Variants in PDLIM5 observed in about 807,000 individuals in gnomAD.
PDLIM5 encodes the protein PDZ and LIM domain protein 5.
A neutral mutation model predicts 64.2 loss-of-function variants in PDLIM5; 34 were observed. That is an observed-to-expected ratio of 0.53 (90% confidence interval 0.40 to 0.71). The LOEUF (loss-of-function observed/expected upper bound fraction) is 0.71, where lower values mean the gene tolerates loss of function less well. Ranked by LOEUF, PDLIM5 falls within the 30% of genes least tolerant of loss-of-function variation. The probability of loss-of-function intolerance (pLI) is 0.00; values close to 1 mark genes in which losing one functional copy is unlikely to be tolerated. For missense variants in PDLIM5, 683 were observed against 733.6 expected, an observed-to-expected ratio of 0.93 and a Z score of 0.80; for synonymous variants, 253 against 269.1, an observed-to-expected ratio of 0.94 and a Z score of 0.59.
chr4:94,521,205 G>A (rs1274341274), intron 2 of PDLIM5, among the ~76,000 whole-genome samples: 1 of 152,138 alleles, frequency 6.6e-6, no homozygotes, highest in African/African-American at 2.4e-5. Flanking sequence ...TATAAATAGG[G>A]AGTTGATATG....
intron 2 of PDLIM5, among the ~76,000 whole-genome samples, chr4:94,460,135 A>C (rs967989716): frequency 6.6e-6 from 1 of 152,188 alleles, no homozygotes; most frequent in African/African-American, 2.4e-5. Flanking sequence ...TGTATATTTC[A>C]CATGTGTGTT....
At chr4:94,527,026 C>A (rs192520468) in intron 3 of PDLIM5, among the ~76,000 whole-genome samples, 1 of 144,324 alleles carries the variant, frequency 6.9e-6, no homozygotes, top group Non-Finnish European at 1.5e-5. Context: ...TGAGCCATTG[C>A]GCCCGGCCTG....
chr4:94,604,911 A>C (rs1737796015), intron 7 of PDLIM5, among the ~76,000 whole-genome samples: 1 of 152,234 alleles, frequency 6.6e-6, no homozygotes, highest in South Asian at 2.1e-4. Flanking sequence ...ATTTAGCCAC[A>C]AGAAGGTCAT....
At chr4:94,626,423 G>T (rs1029881746) in intron 8 of PDLIM5, among the ~76,000 whole-genome samples, 7 of 152,180 alleles carry the variant, frequency 4.6e-5, no homozygotes, top group African/African-American at 1.7e-4. Flanking sequence ...TTAGAGTTCT[G>T]TAGTGAGTTG....
chr4:94,623,281 C>T (rs1739401624), intron 8 of PDLIM5, among the ~76,000 whole-genome samples: 1 of 152,194 alleles, frequency 6.6e-6, no homozygotes, highest in Non-Finnish European at 1.5e-5. Context: ...TTTTATAACA[C>T]TGTTCCCTAT....
intron 8 of PDLIM5, among the ~76,000 whole-genome samples, chr4:94,621,140 G>T (rs1212347459): frequency 6.7e-6 from 1 of 150,312 alleles, no homozygotes; most frequent in Non-Finnish European, 1.5e-5. Flanking sequence ...GACAGGCCAT[G>T]GCATATGAGT....
intron 3 of PDLIM5, among the ~76,000 whole-genome samples, chr4:94,567,025 G>A (rs531557250): frequency 3.3e-5 from 5 of 152,156 alleles, no homozygotes; most frequent in Non-Finnish European, 5.9e-5. Flanking sequence ...ACGGAGTCTC[G>A]CTCTGTCGCC....
chr4:94,654,118 C>G (rs1274168204), intron 9 of PDLIM5, among the ~76,000 whole-genome samples: 1 of 152,120 alleles, frequency 6.6e-6, no homozygotes, highest in Non-Finnish European at 1.5e-5. Context: ...CATGTTCTGT[C>G]ACAGTCACAG....
chr4:94,619,085 T>C (rs1439637390), intron 8 of PDLIM5, among the ~76,000 whole-genome samples: 2 of 152,196 alleles, frequency 1.3e-5, no homozygotes, highest in African/African-American at 4.8e-5. Context: ...AAATAACCAT[T>C]TCCTATCTCT....
chr4:94,638,778 A>T (rs909129397), intron 8 of PDLIM5, among the ~76,000 whole-genome samples: 1 of 152,304 alleles, frequency 6.6e-6, no homozygotes, highest in Admixed American at 6.5e-5. Context: ...GTTGGTTTCA[A>T]TCCTCACTGT....
intron 5 of PDLIM5, among the ~76,000 whole-genome samples, chr4:94,581,863 C>T (rs1219181602): frequency 6.6e-6 from 1 of 152,150 alleles, no homozygotes; most frequent in Non-Finnish European, 1.5e-5. Flanking sequence ...TGAGGTTCTT[C>T]CACTTCAGGT....
chr4:94,494,449 T>C (rs1727183342), intron 2 of PDLIM5, among the ~76,000 whole-genome samples: 1 of 112,718 alleles, frequency 8.9e-6, no homozygotes, highest in African/African-American at 4.6e-5. Context: ...TTTTTTTTTT[T>C]TTTTTTTGAG....
At chr4:94,654,173 C>G (rs1426655335) in intron 9 of PDLIM5, among the ~76,000 whole-genome samples, 1 of 152,118 alleles carries the variant, frequency 6.6e-6, no homozygotes, top group African/African-American at 2.4e-5. Context: ...AGACAGATTG[C>G]CTCATTTCAG....
rs1292462649 is a variant in PDLIM5 at position 94,655,587 on chromosome 4, T to C, written c.1464+947T>C. Among the ~76,000 whole-genome samples the C allele has an allele frequency of 4.6e-5, 7 of 152,302 alleles. No homozygotes were observed. In the East Asian group the frequency reaches 9.6e-4, roughly 21 times the overall value. On this transcript the variant is annotated intron_variant, in intron 10 of 12. Coordinates refer to ENST00000317968, the MANE Select transcript of PDLIM5 (RefSeq NM_006457.5). ...ATATGTCACCTGAAATATTTCTAGA[T>C]TATTGATTTGTGTAATATGTTGGGA...
intron 5 of PDLIM5, among the ~76,000 whole-genome samples, chr4:94,580,999 T>A (rs1447872399): frequency 6.6e-6 from 1 of 152,202 alleles, no homozygotes; most frequent in East Asian, 1.9e-4. Context: ...TGTATTTGTG[T>A]AGTTTTCAAA....
chr4:94,568,686 G>A (rs554394726), intron 3 of PDLIM5, among the ~76,000 whole-genome samples: 1 of 152,192 alleles, frequency 6.6e-6, no homozygotes, highest in South Asian at 2.1e-4. Flanking sequence ...TAGAATTACA[G>A]CAATAAGTTT....
At chr4:94,617,961 T>C in intron 7 of PDLIM5, 43 bp from the exon 8 acceptor site, 1 of 1,094,318 alleles carries the variant, frequency 9.1e-7, no homozygotes, top group African/African-American at 1.6e-5. Context: ...CTGAGTTACG[T>C]TGCTACCACT....
rs550991257 is a variant in PDLIM5, at chr4:94,588,279, G to T, written c.920+1835G>T. 3.8e-5 allele frequency: 24 copies of T among 624,982 alleles called. No individual in the cohort carries two copies. In the Admixed American group the frequency reaches 1.4e-3, roughly 36 times the overall value. 38.7% of individuals were successfully genotyped at this position (624,982 alleles called of 1,614,324 possible). A position where few individuals can be genotyped will look rare whatever the true frequency, so the allele number is the denominator to read the frequency against. On this transcript the variant is annotated intron_variant, in intron 7 of 12. Coordinates refer to ENST00000317968, the MANE Select transcript of PDLIM5 (RefSeq NM_006457.5). ...TACTAAAATATGGGTATAAAACACG[G>T]CAGGCCAGGTGCGGTGGCTCACGCC...
intron 5 of PDLIM5, among the ~76,000 whole-genome samples, chr4:94,577,830 T>TGTG (rs1277253486): frequency 0.23 from 46 of 204 alleles, 1 homozygote; most frequent in South Asian, 0.5. Context: ...TCTTTTTTTT[T>TGTG]TTTTTTTTTT....
Sources: gnomAD v4.1 joint callset for allele counts (sites outside exome capture counted in the v4.1 genomes callset) on GRCh38, gnomAD v4.1.1 for gene constraint, MANE v1.5 for transcripts, NCBI Gene and HGNC (gene_info 2026-07-23, HGNC 2026-07-21) for gene names.